The following VAT1L variants were observed in gnomAD, a reference collection of about 807,000 sequenced individuals.
The protein encoded by VAT1L is vesicle amine transport 1 like.
A neutral mutation model predicts 44.1 loss-of-function variants in VAT1L; 34 were observed. The observed-to-expected ratio is 0.77, with a 90% confidence interval of 0.59 to 1.03. VAT1L has a LOEUF of 1.03. Ranked by LOEUF, VAT1L falls within the 50% of genes least tolerant of loss-of-function variation. The pLI is 0.00. For synonymous variants in VAT1L, 253 were observed against 202.2 expected (o/e 1.25, Z -2.13); for missense variants, 615 against 538.8 (o/e 1.14, Z -1.40).
intron 7 of VAT1L, among the ~76,000 whole-genome samples, chr16:77,936,824 C>T (rs554079352): frequency 1.3e-5 from 2 of 152,222 alleles, no homozygotes; most frequent in East Asian, 1.9e-4. Context: ...ATCCCACTTG[C>T]GAGTGGTCAG....
chr16:77,799,176 T>C (rs1266883622), intron 1 of VAT1L, among the ~76,000 whole-genome samples: 1 of 151,848 alleles, frequency 6.6e-6, no homozygotes, highest in Non-Finnish European at 1.5e-5. Flanking sequence ...TACCAGCCCC[T>C]GGAGATCTCT....
At chr16:77,823,421 G>C (rs989240829) in intron 2 of VAT1L, among the ~76,000 whole-genome samples, 2 of 152,132 alleles carry the variant, frequency 1.3e-5, no homozygotes, top group Non-Finnish European at 2.9e-5. Flanking sequence ...AGCATGAGCT[G>C]TACCTCATTT....
At chr16:77,907,742 TCTC>T (rs976373384) in intron 7 of VAT1L, among the ~76,000 whole-genome samples, 17 of 152,046 alleles carry the variant, frequency 1.1e-4, no homozygotes, top group African/African-American at 3.9e-4. Context: ...ACTTCATAGT[TCTC>T]CTCCTCCCCT....
At chr16:77,817,833 A>G (rs1319748579) in intron 2 of VAT1L, among the ~76,000 whole-genome samples, 2 of 152,224 alleles carry the variant, frequency 1.3e-5, no homozygotes, top group African/African-American at 4.8e-5. Context: ...TTGGAGTCAG[A>G]AAAACCAATG....
At chr16:77,939,240 C>T (rs944361934) in intron 7 of VAT1L, among the ~76,000 whole-genome samples, 1 of 152,218 alleles carries the variant, frequency 6.6e-6, no homozygotes, top group Non-Finnish European at 1.5e-5. Flanking sequence ...TTCTTTGAAA[C>T]ACCAGAAAGA....
intron 1 of VAT1L, among the ~76,000 whole-genome samples, chr16:77,796,296 A>G (rs2015932836): frequency 6.6e-6 from 1 of 152,174 alleles, no homozygotes; most frequent in African/African-American, 2.4e-5. Flanking sequence ...GGGAATGGGG[A>G]CTGATTATTG....
intron 7 of VAT1L, among the ~76,000 whole-genome samples, chr16:77,945,786 T>C (rs1019632053): frequency 1.3e-5 from 2 of 149,710 alleles, no homozygotes; most frequent in African/African-American, 4.9e-5. Context: ...TTGTTTTCTT[T>C]AGTGGCTTGA....
In VAT1L at chr16:77,977,868, C is replaced by G. The variant is rs2018358316; in HGVS notation, c.*173C>G. ...ACTGTTGTTTTTTGAAGTGCCAATC[C>G]CATGCCATGCAGTATTATGTCCCTC... On this transcript the variant is annotated 3_prime_UTR_variant, in exon 9 of 9. Transcript: ENST00000302536. 1.6e-6 allele frequency: 1 copy of G among 622,476 alleles called. No homozygotes were observed. The highest frequency in any genetic ancestry group is 2.6e-5 in the Admixed American group (1 of 38,910). The allele number at this position is 622,476 out of a possible 1,614,324, so 38.6% of individuals were successfully genotyped here.
intron 1 of VAT1L, among the ~76,000 whole-genome samples, chr16:77,797,149 T>C (rs1253843765): frequency 1.3e-5 from 2 of 151,718 alleles, no homozygotes; most frequent in East Asian, 3.9e-4. Flanking sequence ...TCTCGCTCTA[T>C]CACCCAGGCT....
intron 7 of VAT1L, among the ~76,000 whole-genome samples, chr16:77,957,418 C>A (rs1380224296): frequency 2.0e-5 from 3 of 151,780 alleles, no homozygotes; most frequent in Non-Finnish European, 2.9e-5. Context: ...GATTCAAAGC[C>A]AAAAAAAAGT....
intron 1 of VAT1L, among the ~76,000 whole-genome samples, chr16:77,799,547 GTGTGTGT>G (rs1567466646): frequency 1.1e-4 from 13 of 116,342 alleles, no homozygotes; most frequent in African/African-American, 3.5e-4. Context: ...GTGTGTGTGT[GTGTGTGT>G]GTGGTGTGTA....
At chr16:77,805,545 A>T (rs2016140036) in intron 1 of VAT1L, among the ~76,000 whole-genome samples, 1 of 150,722 alleles carries the variant, frequency 6.6e-6, no homozygotes, top group East Asian at 1.9e-4. Context: ...AGCAAAGAGC[A>T]CACCTTCCCT....
intron 1 of VAT1L, among the ~76,000 whole-genome samples, chr16:77,813,914 G>A (rs890131911): frequency 2.6e-5 from 4 of 152,192 alleles, no homozygotes; most frequent in African/African-American, 9.6e-5. Flanking sequence ...TATAAACATG[G>A]CTCTTGTATG....
chr16:77,872,126 G>A (rs540494104), intron 4 of VAT1L, among the ~76,000 whole-genome samples: 1 of 152,258 alleles, frequency 6.6e-6, no homozygotes, highest in Admixed American at 6.5e-5. Flanking sequence ...GAGAGGCTAA[G>A]TAACTCACCT....
chr16:77,956,403 T>G (rs956779290), intron 7 of VAT1L, among the ~76,000 whole-genome samples: 67 of 152,268 alleles, frequency 4.4e-4, no homozygotes, highest in African/African-American at 1.6e-3. Context: ...CTTACCTCAT[T>G]GGGTTGATGC....
intron 4 of VAT1L, among the ~76,000 whole-genome samples, chr16:77,875,440 GC>G (rs2017077718): frequency 6.6e-6 from 1 of 152,182 alleles, no homozygotes; most frequent in Non-Finnish European, 1.5e-5. Context: ...CACAAGGAAT[GC>G]CATTCTTGTC....
intron 1 of VAT1L, among the ~76,000 whole-genome samples, chr16:77,806,662 A>C (rs144198963): frequency 9.9e-4 from 150 of 152,260 alleles, no homozygotes; most frequent in African/African-American, 3.6e-3. Flanking sequence ...TATTTTTCTA[A>C]TCTTCACTTC....
intron 3 of VAT1L, among the ~76,000 whole-genome samples, chr16:77,843,306 G>C (rs1597062626): frequency 6.6e-6 from 1 of 152,182 alleles, no homozygotes; most frequent in Non-Finnish European, 1.5e-5. Context: ...CAGGGGTGAA[G>C]CTCATGGGGC....
At chr16:77,821,213 A>G (rs1331142046) in intron 2 of VAT1L, among the ~76,000 whole-genome samples, 1 of 152,182 alleles carries the variant, frequency 6.6e-6, no homozygotes, top group Non-Finnish European at 1.5e-5. Context: ...GGAGCTAGTC[A>G]TGTAAAAGGA....
Sources: allele counts gnomAD v4.1 joint callset (sites outside exome capture counted in the v4.1 genomes callset), GRCh38; gene constraint gnomAD v4.1.1; transcripts MANE v1.5; gene names NCBI Gene and HGNC (gene_info 2026-07-23, HGNC 2026-07-21).